The following ACSF3 variants were observed in gnomAD, a reference collection of about 807,000 sequenced individuals.
ACSF3 encodes the protein malonate--CoA ligase ACSF3, mitochondrial.
Under a neutral mutation model 53.2 loss-of-function variants are expected in ACSF3, and 78 were observed. That is an observed-to-expected ratio of 1.47 (90% CI 1.22 to 1.77). ACSF3 has a LOEUF of 1.77. Ranked by LOEUF, ACSF3 falls within the 40% of genes most tolerant of loss-of-function variation. ACSF3 has a pLI of 0.00. For synonymous variants in ACSF3, 414 were observed against 333.1 expected, an observed-to-expected ratio of 1.24 and a Z score of -2.65; for missense variants, 937 against 771.1, an observed-to-expected ratio of 1.22 and a Z score of -2.55.
At chr16:89,117,868 A>C (rs1341276974) in intron 6 of ACSF3, among the ~76,000 whole-genome samples, 1 of 131,768 alleles carries the variant, frequency 7.6e-6, no homozygotes, top group Non-Finnish European at 1.7e-5. Context: ...ACCTGAGTGC[A>C]CCAATCCCCG....
chr16:89,142,547 GCAGACACACCCACACC>G (rs1567741303), intron 8 of ACSF3, among the ~76,000 whole-genome samples: 3 of 148,144 alleles, frequency 2.0e-5, no homozygotes, highest in Non-Finnish European at 4.5e-5. Context: ...ACCCACACCT[GCAGACACACCCACACC>G]TGCAGACACA....
At position 89,101,286 on chromosome 16, in the gene ACSF3, C is replaced by G. The variant is rs1975299904; in HGVS notation, c.605C>G (p.Thr202Ser). Residue 202 changes from threonine to serine, a missense_variant, in exon 3 of 11, where the codon ACC (threonine) becomes AGC (serine). Coordinates refer to ENST00000614302, the MANE Select transcript of ACSF3 (RefSeq NM_001243279.3). ...AACAAGGGCGCCATGATCATCTACACCAGTGGGACCACGGGGAGGCCCAAG... is the reference window on the plus strand; with the variant it reads ...AACAAGGGCGCCATGATCATCTACAGCAGTGGGACCACGGGGAGGCCCAAG... ...WRNKGAMIIYTSGTTGRPKGV... is the reference protein window; with the variant it reads ...WRNKGAMIIYSSGTTGRPKGV... The G allele has an allele frequency of 6.2e-7, 1 of 1,602,690 alleles. No individual in the cohort carries two copies. The highest frequency in any genetic ancestry group is 1.3e-5 in the African/African-American group (1 of 74,770).
chr16:89,124,445 T>C (rs1341066873), intron 7 of ACSF3, among the ~76,000 whole-genome samples: 3 of 150,958 alleles, frequency 2.0e-5, no homozygotes, highest in Non-Finnish European at 3.0e-5. Flanking sequence ...ATGTGTGTGA[T>C]ACCCGTGCGT....
intron 7 of ACSF3, among the ~76,000 whole-genome samples, chr16:89,131,840 C>T (rs2151516286): frequency 6.6e-6 from 1 of 152,400 alleles, no homozygotes; most frequent in Non-Finnish European, 1.5e-5. Context: ...TTTGAAAAAA[C>T]AAACACAAGG....
chr16:89,118,162 C>T (rs980865012), intron 6 of ACSF3, among the ~76,000 whole-genome samples: 7 of 139,958 alleles, frequency 5.0e-5, no homozygotes, highest in African/African-American at 1.6e-4. Context: ...AAGGCAGAGC[C>T]TGACGGCAGG....
At position 89,141,082 on chromosome 16, in the gene ACSF3, C is replaced by G. The variant is rs772318690; in HGVS notation, c.1367-4185C>G. 8 of 1,280,996 alleles carry G rather than the reference C, an allele frequency of 6.2e-6. No homozygotes were observed. The African/African-American group carries it at 9.1e-5, about 15-fold the overall frequency. 79.4% of individuals were successfully genotyped at this position (1,280,996 alleles called of 1,614,324 possible). ...CATTTCACAGTGATCGCAAGTTGCC[C>G]TGGAGCCCTCTGAACCTTCTGAGTC... On this transcript the variant is annotated intron_variant, in intron 8 of 10. Coordinates refer to ENST00000614302, the MANE Select transcript of ACSF3 (RefSeq NM_001243279.3).
intron 8 of ACSF3, among the ~76,000 whole-genome samples, chr16:89,139,686 G>C (rs142447122): frequency 6.7e-6 from 1 of 149,228 alleles, no homozygotes; most frequent in Non-Finnish European, 1.5e-5. Context: ...TCCGCCTTCC[G>C]GGTTCAAGCA....
rs1189151186 is a variant in ACSF3 at position 89,141,181 on chromosome 16, C to T, written c.1367-4086C>T. 2.3e-6 allele frequency: 3 copies of T among 1,287,106 alleles called. No individual in the cohort carries two copies. In the South Asian group the frequency reaches 3.7e-5, roughly 16 times the overall value. 79.7% of individuals were successfully genotyped at this position (1,287,106 alleles called of 1,614,324 possible). A position where few individuals can be genotyped will look rare whatever the true frequency, so the allele number is the denominator to read the frequency against. ...TGCTTGGCTGAGACTTTGTTTAAAC[C>T]CTGGCTCCGATGCCTCTGAGCCCTT... is the stretch of plus-strand genomic sequence containing the variant. On this transcript the variant is annotated intron_variant, in intron 8 of 10. Transcript: ENST00000614302.
intron 8 of ACSF3, chr16:89,141,252 C>A (rs753750622): frequency 7.8e-7 from 1 of 1,287,280 alleles, no homozygotes; most frequent in South Asian, 1.2e-5. Context: ...CCACTTTTCC[C>A]CTTGGCAAAG....
chr16:89,095,249 C>G (rs1388792193), intron 1 of ACSF3: 1 of 152,224 alleles, frequency 6.6e-6, no homozygotes, highest in Non-Finnish European at 1.5e-5. Flanking sequence ...TGGCTCTGAA[C>G]CATCTCCTCA....
At chr16:89,111,764 C>G (rs1007719177) in intron 4 of ACSF3, among the ~76,000 whole-genome samples, 19 of 152,222 alleles carry the variant, frequency 1.2e-4, no homozygotes, top group African/African-American at 4.6e-4. Context: ...GGCAGCCAGG[C>G]CCTCCTGCCA....
At chr16:89,133,461 G>A (rs1909763611) in intron 8 of ACSF3, among the ~76,000 whole-genome samples, 199 bp downstream of exon 8, 1 of 152,192 alleles carries the variant, frequency 6.6e-6, no homozygotes, top group Non-Finnish European at 1.5e-5. Context: ...CTTCTAGAGT[G>A]GGCTCCTTGG....
chr16:89,118,971 C>CA (rs1384864844), intron 6 of ACSF3, among the ~76,000 whole-genome samples: 1 of 152,192 alleles, frequency 6.6e-6, no homozygotes, highest in Non-Finnish European at 1.5e-5. Context: ...GCCCGGGGCA[C>CA]AGCGAGCGGC....
intron 8 of ACSF3, among the ~76,000 whole-genome samples, chr16:89,140,539 G>C (rs1911552611): frequency 6.6e-6 from 1 of 152,202 alleles, no homozygotes; most frequent in Non-Finnish European, 1.5e-5. Flanking sequence ...TGCCATTTGG[G>C]AGCAAAAGTC....
At chr16:89,127,195 T>C (rs1908303558) in intron 7 of ACSF3, among the ~76,000 whole-genome samples, 1 of 152,192 alleles carries the variant, frequency 6.6e-6, no homozygotes, top group Non-Finnish European at 1.5e-5. Context: ...TTGTACTTTC[T>C]TTGGGTTGTG....
Position 89,101,054 on chromosome 16 carries a change from C to G in ACSF3, c.373C>G (p.Leu125Val). The change falls in exon 3 of 11, where the codon CTC (leucine) becomes GTC (valine). Residue 125 changes from leucine to valine, a missense_variant. By Grantham distance (32) the Leu-to-Val change is conservative. Coordinates refer to ENST00000614302, the MANE Select transcript of ACSF3 (RefSeq NM_001243279.3). ...GATGAGTGGCGGTGTGGCAGTCCCCCTCTACAGGAAGCATCCCGCGGCCCA... is the reference window on the plus strand; with the variant it reads ...GATGAGTGGCGGTGTGGCAGTCCCCGTCTACAGGAAGCATCCCGCGGCCCA... ...SWMSGGVAVP[L>V]YRKHPAAQLE... The G allele has an allele frequency of 6.2e-7, 1 of 1,614,036 alleles. No individual in the cohort carries two copies. The highest frequency in any genetic ancestry group is 2.2e-5 in the East Asian group (1 of 44,884).
intron 10 of ACSF3, chr16:89,151,223 A>C (rs1914031860): frequency 2.2e-6 from 1 of 462,890 alleles, no homozygotes; most frequent in Non-Finnish European, 4.3e-6. Flanking sequence ...TGACGCAAAC[A>C]CTGAAACAGA....
chr16:89,094,086 G>A (rs1157800058), intron 1 of ACSF3, 90 bp downstream of exon 1: 2 of 151,260 alleles, frequency 1.3e-5, no homozygotes, highest in African/African-American at 4.8e-5. Context: ...CCCCTGGGTC[G>A]CAGCTGGGCT....
chr16:89,136,529 C>T, intron 8 of ACSF3: 1 of 1,262,200 alleles, frequency 7.9e-7, no homozygotes, highest in South Asian at 1.3e-5. Context: ...AGAAATTAAA[C>T]TTAACCCTTT....
Sources: allele counts gnomAD v4.1 joint callset (sites outside exome capture counted in the v4.1 genomes callset), GRCh38; gene constraint gnomAD v4.1.1; transcripts MANE v1.5; gene names NCBI Gene and HGNC (gene_info 2026-07-23, HGNC 2026-07-21).